The following ADCY1 variants were observed in gnomAD, a reference collection of about 807,000 sequenced individuals.
ADCY1 encodes the protein adenylate cyclase type 1.
A neutral mutation model predicts 105.4 loss-of-function variants in ADCY1; 28 were observed. The ratio of observed to expected loss-of-function variants is 0.27; its 90% CI spans 0.20 to 0.36. ADCY1 has a LOEUF of 0.36. Among genes scored for constraint, ADCY1 ranks in the 10% least tolerant of loss-of-function variants. ADCY1 has a pLI of 1.00. For missense variants in ADCY1, 977 were observed against 1,434.2 expected (o/e 0.68, Z 5.15); for synonymous variants, 655 against 623.8 (o/e 1.05, Z -0.75).
chr7:45,711,922 T>C (rs1249604319), intron 19 of ADCY1, among the ~76,000 whole-genome samples: 2 of 120,768 alleles, frequency 1.7e-5, no homozygotes, highest in East Asian at 2.2e-4. Flanking sequence ...AAATATATTA[T>C]ATATTATATT....
chr7:45,704,228 C>G (rs866797515), intron 16 of ADCY1, among the ~76,000 whole-genome samples: 14 of 151,906 alleles, frequency 9.2e-5, no homozygotes, highest in Non-Finnish European at 1.5e-4. Flanking sequence ...AGGCCCCCCC[C>G]ACCCCGACAG....
In ADCY1 at chr7:45,591,958, G is replaced by A. The variant is rs185194351; in HGVS notation, c.640-801G>A. On this transcript the variant is annotated intron_variant, in intron 1 of 19. Coordinates refer to ENST00000297323, the MANE Select transcript of ADCY1 (RefSeq NM_021116.4). This position sits in a 1 kb window ranked among gnomAD's most constrained non-coding sequence, Gnocchi z 4.1. ...CTGAAGTGGGGACAGGACTAAGGGA[G>A]AGTGCAGAGACCGGGCTCTGGACAC... Among the ~76,000 whole-genome samples, 5 of 152,348 alleles carry A rather than the reference G, an allele frequency of 3.3e-5. No individual in the cohort carries two copies. The East Asian group carries it at 9.6e-4, about 29-fold the overall frequency.
chr7:45,589,839 G>A (rs1477670688), intron 1 of ADCY1, among the ~76,000 whole-genome samples: 1 of 152,050 alleles, frequency 6.6e-6, no homozygotes, highest in Non-Finnish European at 1.5e-5. Context: ...GGAGTGGGTT[G>A]TTTGATGGCG....
Position 45,575,092 on chromosome 7 carries a change from G to T in ADCY1, c.549G>T (p.Leu183=). The part of the protein sequence containing the change: ...SYALLPVRSL[L]AIGFGLVVAA... ...CCTTGCTGCCCGTGCGCAGCCTGCTGGCCATAGGCTTTGGGCTCGTGGTGG... is the reference window on the plus strand; with the variant it reads ...CCTTGCTGCCCGTGCGCAGCCTGCTTGCCATAGGCTTTGGGCTCGTGGTGG... The change falls in exon 1 of 20, where the codon CTG becomes CTT. Residue 183 remains leucine (L), a synonymous_variant. Transcript: ENST00000297323. The surrounding 1 kb of genome is among the most constrained non-coding windows in gnomAD (Gnocchi z 4.7). 1 of 1,612,818 alleles carries T rather than the reference G, an allele frequency of 6.2e-7. No homozygotes were observed. The highest frequency in any genetic ancestry group is 1.3e-5 in the African/African-American group (1 of 75,060).
At position 45,713,754 on chromosome 7, in the gene ADCY1, A is replaced by C. The variant is rs1440548976; in HGVS notation, c.3119A>C (p.Lys1040Thr). 1.3e-6 allele frequency: 1 copy of C among 780,836 alleles called. No individual in the cohort carries two copies. Among genetic ancestry groups the C allele is most frequent in the Admixed American group, 1.7e-5 (1 of 59,050 alleles). The allele number at this position is 780,836 out of a possible 1,614,324, so 48.4% of individuals were successfully genotyped here. A position where few individuals can be genotyped will look rare whatever the true frequency, so the allele number is the denominator to read the frequency against. ...RCPYHFVCRG[K>T]VSVKGKGEML... ...CCCTACCACTTTGTGTGCCGAGGCA[A>C]AGTCAGTGTCAAGGGCAAAGGCGAG... Residue 1040 changes from lysine to threonine, a missense_variant, in exon 20 of 20, where the codon AAA (lysine) becomes ACA (threonine). Transcript: ENST00000297323.
At chr7:45,676,934 A>G (rs1418927298) in intron 8 of ADCY1, among the ~76,000 whole-genome samples, 2 of 148,964 alleles carry the variant, frequency 1.3e-5, no homozygotes, top group East Asian at 3.9e-4. Flanking sequence ...TTCTTTGGCT[A>G]GAAACAACAG....
chr7:45,610,474 C>T lies in ADCY1; in HGVS notation c.885C>T (p.Tyr295=). 6.2e-7 allele frequency: 1 copy of T among 1,613,940 alleles called. No homozygotes were observed. The highest frequency in any genetic ancestry group is 2.2e-5 in the East Asian group (1 of 44,868). ...CTGAGAGGATTTTCCACAAGATTTA[C>T]ATCCAGAGGCACGACAATGTGAGGT... ...KPPERIFHKI[Y]IQRHDNVSIL... is the part of the protein sequence containing the mutation. The change falls in exon 3 of 20, where the codon TAC becomes TAT. Residue 295 remains tyrosine (Y), a synonymous_variant. Transcript: ENST00000297323.
intron 3 of ADCY1, among the ~76,000 whole-genome samples, chr7:45,610,989 G>A: frequency 1.3e-5 from 2 of 151,346 alleles, no homozygotes; most frequent in South Asian, 2.1e-4. Context: ...GGGGGTGATA[G>A]TGGAAGTGTG....
chr7:45,656,355 A>T (rs886866245), intron 5 of ADCY1, among the ~76,000 whole-genome samples: 7 of 152,328 alleles, frequency 4.6e-5, no homozygotes, highest in African/African-American at 1.4e-4. Flanking sequence ...GGTATTAAAG[A>T]TATATCAGTA....
At chr7:45,614,600 G>C (rs1793687532) in intron 3 of ADCY1, among the ~76,000 whole-genome samples, 1 of 152,184 alleles carries the variant, frequency 6.6e-6, no homozygotes, top group South Asian at 2.1e-4. Flanking sequence ...TAGCATGGCT[G>C]AGTGGATAAA....
intron 19 of ADCY1, among the ~76,000 whole-genome samples, chr7:45,712,049 A>G (rs184354985): frequency 1.4e-5 from 1 of 69,464 alleles, no homozygotes; most frequent in Non-Finnish European, 3.5e-5. Flanking sequence ...ATTTTATATA[A>G]TATATTAAAT....
rs1794691139 is a variant in ADCY1 at position 45,647,386 on chromosome 7, A to G, written c.1021-1284A>G. 6.6e-6 allele frequency among the ~76,000 whole-genome samples: 1 copy of G among 152,216 alleles called. No individual in the cohort carries two copies. Among genetic ancestry groups the G allele is most frequent in the Non-Finnish European group, 1.5e-5 (1 of 68,038 alleles). ...CATGAGAGCTGATGATTCTCATTCC[A>G]AATGCACTTGTGTTAACTCAGCATT... On this transcript the variant is annotated intron_variant, in intron 4 of 19. Coordinates refer to ENST00000297323, the MANE Select transcript of ADCY1 (RefSeq NM_021116.4). The surrounding 1 kb of genome is among the most constrained non-coding windows in gnomAD (Gnocchi z 4.6).
At chr7:45,643,771 G>A (rs1794586297) in intron 4 of ADCY1, among the ~76,000 whole-genome samples, 2 of 152,106 alleles carry the variant, frequency 1.3e-5, no homozygotes, top group Admixed American at 6.5e-5. Context: ...TGTTTGTGCT[G>A]GGTTTCCCCT....
At chr7:45,713,148 A>T (rs1439077609) in intron 19 of ADCY1, among the ~76,000 whole-genome samples, 1 of 152,138 alleles carries the variant, frequency 6.6e-6, no homozygotes, top group African/African-American at 2.4e-5. Context: ...TACATTCTGT[A>T]TGCCCTACTT....
chr7:45,613,589 TC>T (rs1430687107), intron 3 of ADCY1, among the ~76,000 whole-genome samples: 1 of 152,054 alleles, frequency 6.6e-6, no homozygotes, highest in Non-Finnish European at 1.5e-5. Context: ...TAAAAATATA[TC>T]ATTAAATATG....
intron 14 of ADCY1, among the ~76,000 whole-genome samples, chr7:45,696,361 C>G (rs557446129): frequency 7.0e-4 from 101 of 144,684 alleles, no homozygotes; most frequent in African/African-American, 2.6e-3. Flanking sequence ...ATGGCGTGAA[C>G]CTGGGAGGCG....
At chr7:45,614,026 T>C (rs186593769) in intron 3 of ADCY1, among the ~76,000 whole-genome samples, 100 of 152,262 alleles carry the variant, frequency 6.6e-4, no homozygotes, top group African/African-American at 2.4e-3. Flanking sequence ...AGTTCTTACA[T>C]TGAAATGAAA....
At chr7:45,583,194 G>A (rs756763589) in intron 1 of ADCY1, among the ~76,000 whole-genome samples, 4 of 152,202 alleles carry the variant, frequency 2.6e-5, no homozygotes, top group African/African-American at 9.7e-5. Flanking sequence ...TTTGTATGTC[G>A]GTGCATGCCC....
At chr7:45,600,581 A>T (rs187829585) in intron 2 of ADCY1, among the ~76,000 whole-genome samples, 1 of 152,364 alleles carries the variant, frequency 6.6e-6, no homozygotes, top group Admixed American at 6.5e-5. Context: ...TGTCTGTCTC[A>T]TGGGCAGAAG....
Sources: gnomAD v4.1 joint callset for allele counts (sites outside exome capture counted in the v4.1 genomes callset) on GRCh38, gnomAD v4.1.1 for gene constraint, Gnocchi (gnomAD v3.1) non-coding constraint, MANE v1.5 for transcripts, NCBI Gene and HGNC (gene_info 2026-07-23, HGNC 2026-07-21) for gene names.